ARRDC3: variants seen among roughly 807,000 people sequenced by gnomAD.
ARRDC3 encodes arrestin domain containing 3, also known as arrestin domain-containing protein 3.
ARRDC3 carries 10 observed loss-of-function variants against 47.2 expected under a neutral mutation model. The ratio of observed to expected loss-of-function variants is 0.21; its 90% CI spans 0.13 to 0.36. The LOEUF (loss-of-function observed/expected upper bound fraction) is 0.36, where lower values mean the gene tolerates loss of function less well. Ranked by LOEUF, ARRDC3 falls within the 10% of genes least tolerant of loss-of-function variation. ARRDC3 has a pLI of 1.00. For synonymous variants in ARRDC3, 156 were observed against 178.3 expected, an observed-to-expected ratio of 0.87 and a Z score of 1.00; for missense variants, 381 against 503.6, an observed-to-expected ratio of 0.76 and a Z score of 2.33.
chr5:91,371,298 A>G lies in ARRDC3; in HGVS notation c.*102T>C, dbSNP rs1799170835. 1 of 1,062,018 alleles carries G rather than the reference A, an allele frequency of 9.4e-7. No individual in the cohort carries two copies. The highest frequency in any genetic ancestry group is 1.4e-6 in the Non-Finnish European group (1 of 722,496). 65.8% of individuals were successfully genotyped at this position (1,062,018 alleles called of 1,614,324 possible). A position where few individuals can be genotyped will look rare whatever the true frequency, so the allele number is the denominator to read the frequency against. ...TTCGCCATTTTTCTGGGCAAAAGTA[A>G]TTCCACTTCCTCTGAAACGTGTCTC... On this transcript the variant is annotated 3_prime_UTR_variant, in exon 8 of 8. Coordinates refer to ENST00000265138, the MANE Select transcript of ARRDC3 (RefSeq NM_020801.4).
At chr5:91,374,764 T>C (rs1440682951) in intron 5 of ARRDC3, among the ~76,000 whole-genome samples, 158 bp downstream of exon 5, 1 of 152,122 alleles carries the variant, frequency 6.6e-6, no homozygotes, top group African/African-American at 2.4e-5. Flanking sequence ...GGCACACCTG[T>C]AGTCCCAACT....
At chr5:91,377,942 T>C (rs917306886) in intron 2 of ARRDC3, among the ~76,000 whole-genome samples, 1 of 152,130 alleles carries the variant, frequency 6.6e-6, no homozygotes, top group African/African-American at 2.4e-5. Flanking sequence ...AAATCTTATG[T>C]AATCTGTTTA....
Position 91,376,659 on chromosome 5 carries a change from C to G in ARRDC3, c.472G>C (p.Val158Leu). The change falls in exon 3 of 8, where the codon GTC (valine) becomes CTC (leucine). Residue 158 changes from valine (V) to leucine (L), a missense_variant. Transcript: ENST00000265138. The stretch of plus-strand genomic sequence containing the variant: ...GTGTTGATATCTATATGCTCAAAGA[C>G]TGTAAATTCCTTCTTTAATTTTACT... ...LPVKLKKEFTVFEHIDINTPS... is the reference protein window; with the variant it reads ...LPVKLKKEFTLFEHIDINTPS... 1 of 1,612,876 alleles carries G rather than the reference C, an allele frequency of 6.2e-7. No homozygotes were observed. The highest frequency in any genetic ancestry group is 8.5e-7 in the Non-Finnish European group (1 of 1,178,980).
At position 91,369,507 on chromosome 5, in the gene ARRDC3, T is replaced by G. The variant is rs1048646879; in HGVS notation, c.*1893A>C. On this transcript the variant is annotated 3_prime_UTR_variant, in exon 8 of 8. Coordinates refer to ENST00000265138, the MANE Select transcript of ARRDC3 (RefSeq NM_020801.4). The stretch of plus-strand genomic sequence containing the variant: ...TGGGCTTTCTTCACCCTGTCAGCAT[T>G]TGTCAAACATGAATTGTCTTCCATG... 7.9e-5 allele frequency: 12 copies of G among 152,526 alleles called. No individual in the cohort carries two copies. The highest frequency in any genetic ancestry group is 1.5e-4 in the Non-Finnish European group (10 of 68,008). The allele number at this position is 152,526 out of a possible 1,614,324, so 9.4% of individuals were successfully genotyped here.
At chr5:91,380,320 G>A (rs1212165268) in intron 1 of ARRDC3, 3 of 152,968 alleles carry the variant, frequency 2.0e-5, no homozygotes, top group African/African-American at 7.2e-5. Context: ...TGGCCGGGGG[G>A]CGGGGCGAGC....
intron 1 of ARRDC3, among the ~76,000 whole-genome samples, chr5:91,379,412 G>C (rs2127074873): frequency 6.6e-6 from 1 of 151,468 alleles, no homozygotes; most frequent in South Asian, 2.1e-4. Flanking sequence ...ACACTCAGTT[G>C]GTCCTAGCAA....
chr5:91,375,414 A>G, intron 4 of ARRDC3, 97 bp downstream of exon 4: 3 of 908,554 alleles, frequency 3.3e-6, no homozygotes, highest in Non-Finnish European at 5.0e-6. Context: ...TCACAAAAGA[A>G]TACTATATTA....
chr5:91,380,412 G>C (rs1037771940), intron 1 of ARRDC3: 6 of 152,220 alleles, frequency 3.9e-5, no homozygotes, highest in Non-Finnish European at 8.8e-5. Flanking sequence ...CTTTAGTTTC[G>C]GCAAGGGATA....
At position 91,383,169 on chromosome 5, in the gene ARRDC3, A is replaced by T; in HGVS notation, c.-77T>A. On this transcript the variant is annotated 5_prime_UTR_variant, in exon 1 of 8. Coordinates refer to ENST00000265138, the MANE Select transcript of ARRDC3 (RefSeq NM_020801.4). Reference sequence around the variant, plus strand: ...GCATATAAAATGTGATCTTCACTTAACACTGATCGATATTTTTGCCGTGCA... The same window carrying T: ...GCATATAAAATGTGATCTTCACTTATCACTGATCGATATTTTTGCCGTGCA... 7.6e-7 allele frequency: 1 copy of T among 1,313,564 alleles called. No homozygotes were observed. Among genetic ancestry groups the T allele is most frequent in the Non-Finnish European group, 1.0e-6 (1 of 966,368 alleles). The allele number at this position is 1,313,564 out of a possible 1,614,324, so 81.4% of individuals were successfully genotyped here. A position where few individuals can be genotyped will look rare whatever the true frequency, so the allele number is the denominator to read the frequency against.
Position 91,370,740 on chromosome 5 carries a change from T to C in ARRDC3, c.*660A>G, listed in dbSNP as rs1439046683. On this transcript the variant is annotated 3_prime_UTR_variant, in exon 8 of 8. Coordinates refer to ENST00000265138, the MANE Select transcript of ARRDC3 (RefSeq NM_020801.4). ...CTGTTGCGTATCTACTACAGTAGGCTGCAAAACATACAGCAAAAAGGATTG... is the reference window on the plus strand; with the variant it reads ...CTGTTGCGTATCTACTACAGTAGGCCGCAAAACATACAGCAAAAAGGATTG... 4 of 152,516 alleles carry C rather than the reference T, an allele frequency of 2.6e-5. No homozygotes were observed. The highest frequency in any genetic ancestry group is 5.9e-5 in the Non-Finnish European group (4 of 68,032). 9.4% of individuals were successfully genotyped at this position (152,516 alleles called of 1,614,324 possible). A position where few individuals can be genotyped will look rare whatever the true frequency, so the allele number is the denominator to read the frequency against.
At chr5:91,371,488 G>A in intron 7 of ARRDC3, 32 bp from the exon 8 acceptor site, 1 of 1,553,564 alleles carries the variant, frequency 6.4e-7, no homozygotes. Context: ...AGTTTACAGA[G>A]TTATTTCATG....
intron 7 of ARRDC3, 31 bp downstream of exon 7, chr5:91,373,653 T>A: frequency 6.4e-7 from 1 of 1,566,450 alleles, no homozygotes. Context: ...AGATAGCCAG[T>A]TCATTTCATA....
chr5:91,383,300 TGG>T lies in ARRDC3; in HGVS notation c.-210_-209del. On this transcript the variant is annotated 5_prime_UTR_variant, in exon 1 of 8. Coordinates refer to ENST00000265138, the MANE Select transcript of ARRDC3 (RefSeq NM_020801.4). Reference sequence around the variant, plus strand: ...TGCTCCGCGCTCCCGCTCGTCTCAGTGGTCTCCTTACAAAGACGGGCGGCTAA... The same window carrying T: ...TGCTCCGCGCTCCCGCTCGTCTCAGTTCTCCTTACAAAGACGGGCGGCTAA... 2 of 524,256 alleles carry T rather than the reference TGG, an allele frequency of 3.8e-6. No homozygotes were observed. The highest frequency in any genetic ancestry group is 2.8e-5 in the South Asian group (1 of 35,540). The allele number at this position is 524,256 out of a possible 1,614,324, so 32.5% of individuals were successfully genotyped here.
At position 91,373,695 on chromosome 5, in the gene ARRDC3, G is replaced by A. The variant is rs764316578; in HGVS notation, c.1177C>T (p.Leu393Phe). 1 of 1,613,722 alleles carries A rather than the reference G, an allele frequency of 6.2e-7. No homozygotes were observed. The highest frequency in any genetic ancestry group is 8.5e-7 in the Non-Finnish European group (1 of 1,179,734). ...GAGTAGGTACTTACCTCTGAATAAA[G>A]AGGTGGAGGCAAGAATCGAAACTCC... ...IQEFRFLPPP[L>F]YSEIDPNPDQ... The change falls in exon 7 of 8, where the codon CTT becomes TTT. Residue 393 changes from leucine (L) to phenylalanine (F), a missense_variant. By Grantham distance (22) the Leu-to-Phe change is conservative. Transcript: ENST00000265138.
chr5:91,379,708 A>G (rs1367685660), intron 1 of ARRDC3, among the ~76,000 whole-genome samples: 1 of 152,176 alleles, frequency 6.6e-6, no homozygotes, highest in Middle Eastern at 3.2e-3. Flanking sequence ...AATTACAGAA[A>G]TATCTTTTAA....
chr5:91,383,059 T>G lies in ARRDC3; in HGVS notation c.34A>C (p.Ser12Arg). Residue 12 changes from serine to arginine, a missense_variant, in exon 1 of 8, where the codon AGC becomes CGC. Transcript: ENST00000265138. ...TTGCTGTCATTAAGACAGTCAAAGC[T>G]TATTGTCAAACTCTTCACCTTTCCC... ...VLGKVKSLTI[S>R]FDCLNDSNVP... 1 of 1,612,676 alleles carries G rather than the reference T, an allele frequency of 6.2e-7. No individual in the cohort carries two copies. Among genetic ancestry groups the G allele is most frequent in the Non-Finnish European group, 8.5e-7 (1 of 1,179,172 alleles).
chr5:91,375,393 A>T (rs763348827), intron 4 of ARRDC3, 118 bp downstream of exon 4: 1 of 873,398 alleles, frequency 1.1e-6, no homozygotes, highest in African/African-American at 1.7e-5. Context: ...GGATAAGCAC[A>T]ATTTGTTATT....
At position 91,371,409 on chromosome 5, in the gene ARRDC3, G is replaced by C; in HGVS notation, c.1236C>G (p.Pro412=). 1 of 1,613,184 alleles carries C rather than the reference G, an allele frequency of 6.2e-7. No individual in the cohort carries two copies. The highest frequency in any genetic ancestry group is 8.5e-7 in the Non-Finnish European group (1 of 1,179,328). Residue 412 remains proline (P), a synonymous_variant, in exon 8 of 8, where the codon CCC becomes CCG. Transcript: ENST00000265138. ...DQSADDRPSC[P]SR is the part of the protein sequence containing the mutation. ...TCAACCAAGTGTTCCTTCAACGAGA[G>C]GGGCAGGATGGTCTATCATCTGCTG...
At chr5:91,376,520 C>A in intron 3 of ARRDC3, 101 bp downstream of exon 3, 8 of 1,026,300 alleles carry the variant, frequency 7.8e-6, no homozygotes, top group East Asian at 2.7e-5. Flanking sequence ...AAAAGAAAAC[C>A]AGTATTTTTA....
Sources: gnomAD v4.1 joint callset for allele counts (sites outside exome capture counted in the v4.1 genomes callset) on GRCh38, gnomAD v4.1.1 for gene constraint, MANE v1.5 for transcripts, NCBI Gene and HGNC (gene_info 2026-07-23, HGNC 2026-07-21) for gene names.